The following AUTS2 variants were observed in gnomAD, a reference collection of about 807,000 sequenced individuals.
AUTS2 encodes activator of transcription and developmental regulator AUTS2, also known as autism susceptibility gene 2 protein.
In AUTS2, 17 loss-of-function variants were observed where a neutral mutation model predicts 112.4. The ratio of observed to expected loss-of-function variants is 0.15; its 90% CI spans 0.10 to 0.23. The LOEUF is 0.23. AUTS2 is among the 10% of genes least tolerant of loss of function. The pLI, the probability that AUTS2 is intolerant of heterozygous loss-of-function variation, is 1.00. For synonymous variants in AUTS2, 751 were observed against 702.7 expected (o/e 1.07, Z -1.09); for missense variants, 1,510 against 1,701.6 (o/e 0.89, Z 1.98).
intron 4 of AUTS2, among the ~76,000 whole-genome samples, chr7:70,364,415 A>T (rs1792461421): frequency 1.3e-5 from 2 of 151,820 alleles, no homozygotes. Context: ...ATACAAAAAA[A>T]ATTAGCTGGG....
At chr7:70,769,250 C>T (rs981820127) in intron 10 of AUTS2, among the ~76,000 whole-genome samples, 2 of 152,222 alleles carry the variant, frequency 1.3e-5, no homozygotes, top group Non-Finnish European at 2.9e-5. Flanking sequence ...CTGTTCTGCT[C>T]AGTACCAGAA....
At chr7:70,732,260 CT>C (rs1787457561) in intron 6 of AUTS2, among the ~76,000 whole-genome samples, 2 of 152,134 alleles carry the variant, frequency 1.3e-5, no homozygotes, top group Non-Finnish European at 2.9e-5. Flanking sequence ...GTAACTAATA[CT>C]TAGATTGGTT....
chr7:70,626,213 T>TATAAAAAA, intron 5 of AUTS2, among the ~76,000 whole-genome samples: 1 of 150,252 alleles, frequency 6.7e-6, no homozygotes, highest in Non-Finnish European at 1.5e-5. Flanking sequence ...ATGCCTGCTC[T>TATAAAAAA]GAAGATCTTT....
intron 1 of AUTS2, among the ~76,000 whole-genome samples, chr7:69,707,156 A>G (rs1387076567): frequency 2.6e-5 from 4 of 152,166 alleles, no homozygotes; most frequent in Admixed American, 6.5e-5. Context: ...GTTTCCTTCT[A>G]AGAGATTAGC....
At chr7:70,352,126 CACATACTAAAAA>C (rs1463117415) in intron 4 of AUTS2, among the ~76,000 whole-genome samples, 1 of 152,212 alleles carries the variant, frequency 6.6e-6, no homozygotes, top group Non-Finnish European at 1.5e-5. Context: ...AATCCCATCA[CACATACTAAAAA>C]ACTGAGGCAC....
chr7:70,707,282 C>G (rs1038767229), intron 6 of AUTS2, among the ~76,000 whole-genome samples: 7 of 152,154 alleles, frequency 4.6e-5, no homozygotes. Context: ...TGAGGACTTT[C>G]TTTTTGCTAG....
intron 2 of AUTS2, among the ~76,000 whole-genome samples, chr7:69,938,704 A>G (rs1796510725): frequency 6.6e-6 from 1 of 152,220 alleles, no homozygotes; most frequent in Non-Finnish European, 1.5e-5. Flanking sequence ...TAGGTGGAGA[A>G]GTGGCTAAGT....
At chr7:70,675,926 C>G (rs1165718777) in intron 5 of AUTS2, among the ~76,000 whole-genome samples, 1 of 152,138 alleles carries the variant, frequency 6.6e-6, no homozygotes, top group Admixed American at 6.5e-5. Context: ...GACAAGCCCA[C>G]CAGGCTGAAG....
At chr7:70,288,470 A>G (rs1335448603) in intron 4 of AUTS2, among the ~76,000 whole-genome samples, 1 of 152,178 alleles carries the variant, frequency 6.6e-6, no homozygotes, top group African/African-American at 2.4e-5. Flanking sequence ...AAGTCATCAG[A>G]TTAGATTTCA....
intron 4 of AUTS2, among the ~76,000 whole-genome samples, chr7:70,361,846 C>A (rs1388867183): frequency 6.6e-6 from 1 of 152,102 alleles, no homozygotes; most frequent in East Asian, 1.9e-4. Context: ...TTGCTGAAAT[C>A]AGAGAACTTC....
At chr7:70,327,435 T>C (rs1337767846) in intron 4 of AUTS2, among the ~76,000 whole-genome samples, 1 of 152,156 alleles carries the variant, frequency 6.6e-6, no homozygotes, top group South Asian at 2.1e-4. Flanking sequence ...GAAAAAGAAA[T>C]GAGGAATGTT....
chr7:70,587,826 C>T (rs1802753759), intron 5 of AUTS2, among the ~76,000 whole-genome samples: 1 of 152,168 alleles, frequency 6.6e-6, no homozygotes, highest in South Asian at 2.1e-4. Flanking sequence ...CTATGTGGTT[C>T]AATCTGATCA....
intron 6 of AUTS2, among the ~76,000 whole-genome samples, chr7:70,717,723 C>T (rs186371482): frequency 5.4e-4 from 83 of 152,312 alleles, no homozygotes; most frequent in African/African-American, 1.6e-3. Context: ...TCTTCTTGTC[C>T]GTTGCTGATC....
intron 2 of AUTS2, among the ~76,000 whole-genome samples, chr7:69,920,945 G>T (rs111441986): frequency 0.029 from 4,382 of 152,268 alleles, 97 homozygotes; most frequent in Admixed American, 0.044. Flanking sequence ...GGAAAAGTTG[G>T]TGAATGATAC....
intron 1 of AUTS2, among the ~76,000 whole-genome samples, chr7:69,879,512 C>T (rs1445119373): frequency 6.6e-6 from 1 of 152,052 alleles, no homozygotes; most frequent in Non-Finnish European, 1.5e-5. Context: ...TATTTCCTCG[C>T]CAGTAATATA....
chr7:69,894,252 G>GTTTTTTTTTTTTTTTTT (rs370966756), intron 1 of AUTS2, among the ~76,000 whole-genome samples: 1 of 36,742 alleles, frequency 2.7e-5, no homozygotes. Flanking sequence ...GCCTTAAAGC[G>GTTTTTTTTTTTTTTTTT]TTTTTTTTTT....
At chr7:70,283,377 G>T (rs1475033996) in intron 4 of AUTS2, among the ~76,000 whole-genome samples, 1 of 152,158 alleles carries the variant, frequency 6.6e-6, no homozygotes, top group Non-Finnish European at 1.5e-5. Flanking sequence ...GCCATCACTT[G>T]CAAGATGCAA....
chr7:70,745,932 T>C (rs1371583707), intron 6 of AUTS2, among the ~76,000 whole-genome samples: 1 of 152,226 alleles, frequency 6.6e-6, no homozygotes, highest in Non-Finnish European at 1.5e-5. Flanking sequence ...TGAGTATTTT[T>C]CTCATTATGA....
chr7:70,489,534 C>G (rs1304447819), intron 5 of AUTS2, among the ~76,000 whole-genome samples: 2 of 152,230 alleles, frequency 1.3e-5, no homozygotes, highest in Admixed American at 6.5e-5. Context: ...AATCAGGTTC[C>G]TGCTGTGCCC....
Sources: allele counts gnomAD v4.1 joint callset (sites outside exome capture counted in the v4.1 genomes callset), GRCh38; gene constraint gnomAD v4.1.1; transcripts MANE v1.5; gene names NCBI Gene and HGNC (gene_info 2026-07-23, HGNC 2026-07-21).